LONP1: variants seen among roughly 807,000 people sequenced by gnomAD.
LONP1 encodes lon peptidase 1, mitochondrial.
LONP1 carries 31 observed loss-of-function variants against 98.5 expected under a neutral mutation model. The observed-to-expected ratio is 0.31, with a 90% CI of 0.24 to 0.42. The LOEUF (loss-of-function observed/expected upper bound fraction) is 0.42. Among genes scored for constraint, LONP1 ranks in the 20% least tolerant of loss-of-function variants. The pLI is 1.00. For synonymous variants in LONP1, 781 were observed against 594.7 expected, an observed-to-expected ratio of 1.31 and a Z score of -4.56; for missense variants, 1,336 against 1,350.6, an observed-to-expected ratio of 0.99 and a Z score of 0.17.
At chr19:5,709,400 C>G (rs527752659) in intron 4 of LONP1, among the ~76,000 whole-genome samples, 1 of 151,856 alleles carries the variant, frequency 6.6e-6, no homozygotes, top group Non-Finnish European at 1.5e-5. Context: ...ACTAAGGAGG[C>G]CGAGGCAGGA....
At chr19:5,713,493 A>T (rs1487584784) in intron 2 of LONP1, among the ~76,000 whole-genome samples, 1 of 152,132 alleles carries the variant, frequency 6.6e-6, no homozygotes, top group Non-Finnish European at 1.5e-5. Context: ...AGCCACAAAG[A>T]CATGGTCCAG....
intron 4 of LONP1, among the ~76,000 whole-genome samples, chr19:5,710,268 T>C (rs1028598721): frequency 6.6e-6 from 1 of 151,946 alleles, no homozygotes; most frequent in South Asian, 2.1e-4. Context: ...TTTGTATTTT[T>C]AGTAGACACG....
intron 6 of LONP1, 83 bp downstream of exon 6, chr19:5,707,614 C>CT: frequency 6.7e-7 from 1 of 1,498,940 alleles, no homozygotes. Context: ...TGAGGAGGAA[C>CT]GGGGGCAGCC....
At chr19:5,696,878 T>C (rs1453038339) in intron 10 of LONP1, 121 bp from the exon 11 acceptor site, 11 of 657,532 alleles carry the variant, frequency 1.7e-5, no homozygotes, top group African/African-American at 1.3e-4. Flanking sequence ...GTGGCCATGA[T>C]GTGGGAGGCG....
chr19:5,720,378 C>A, upstream of LONP1: 1 of 614,850 alleles, frequency 1.6e-6, no homozygotes, highest in Non-Finnish European at 2.7e-6. Flanking sequence ...GAGCAGGCGC[C>A]AGCGCCCGTA....
At chr19:5,696,405 C>T (rs189647005) in intron 11 of LONP1, 34 bp from the exon 12 acceptor site, 58 of 1,605,750 alleles carry the variant, frequency 3.6e-5, no homozygotes, top group Admixed American at 1.5e-4. Context: ...TGCCCCTCGC[C>T]GTGCCCCTGG....
At position 5,696,681 on chromosome 19, in the gene LONP1, G is replaced by C. The variant is rs1568313376; in HGVS notation, c.1762C>G (p.Leu588Val). 1 of 1,612,950 alleles carries C rather than the reference G, an allele frequency of 6.2e-7. No individual in the cohort carries two copies. Among genetic ancestry groups the C allele is most frequent in the African/African-American group, 1.3e-5 (1 of 75,038 alleles). The change falls in exon 11 of 18, where the codon CTC becomes GTC. Residue 588 changes from leucine (L) to valine (V), a missense_variant. Coordinates refer to ENST00000360614, the MANE Select transcript of LONP1 (RefSeq NM_004793.4). ...CTCTCCGCACGCACCTCGTCGATGA[G>C]GATCAGGGGGTTCTCCGTCTTGGTC... The part of the protein sequence containing the change: ...KKTKTENPLI[L>V]IDEVDKIGRG...
Position 5,692,132 on chromosome 19 carries a change from A to G in LONP1, c.2780T>C (p.Ile927Thr), listed in dbSNP as rs1248625758. 8 of 1,614,058 alleles carry G rather than the reference A, an allele frequency of 5.0e-6. No homozygotes were observed. In the Admixed American group the frequency reaches 1.3e-4, roughly 27 times the overall value. Residue 927 changes from isoleucine (I) to threonine (T), a missense_variant, in exon 18 of 18, where the codon ATC (isoleucine) becomes ACC (threonine). This residue lies in a region of LONP1 where 555 missense variants were observed against 542.6 expected (regional missense o/e 1.02). Coordinates refer to ENST00000360614, the MANE Select transcript of LONP1 (RefSeq NM_004793.4). ...GAAGTGCACCTCCAGGCCCTCGGTGATGAAGGCTGCCAGGTCGTAGAAGTC... is the reference window on the plus strand; with the variant it reads ...GAAGTGCACCTCCAGGCCCTCGGTGGTGAAGGCTGCCAGGTCGTAGAAGTC... ...KKDFYDLAAF[I>T]TEGLEVHFVE... is the part of the protein sequence containing the mutation.
At chr19:5,698,124 CCTCCTCCAG>C (rs879763139) in intron 10 of LONP1, among the ~76,000 whole-genome samples, 10 of 151,552 alleles carry the variant, frequency 6.6e-5, no homozygotes, top group Non-Finnish European at 1.2e-4. Context: ...ACTGGCCCCA[CCTCCTCCAG>C]CTCCTCCCAA....
chr19:5,694,036 C>T (rs1007044464), intron 15 of LONP1, among the ~76,000 whole-genome samples: 1 of 152,210 alleles, frequency 6.6e-6, no homozygotes, highest in Non-Finnish European at 1.5e-5. Flanking sequence ...GCTGCCGCTG[C>T]CCTGCAGACA....
At chr19:5,693,118 C>T (rs1335924898) in intron 17 of LONP1, among the ~76,000 whole-genome samples, 180 bp downstream of exon 17, 1 of 152,200 alleles carries the variant, frequency 6.6e-6, no homozygotes, top group Non-Finnish European at 1.5e-5. Flanking sequence ...ACAAGACTTG[C>T]TGTGGAGAAG....
At chr19:5,713,366 G>T in intron 2 of LONP1, 113 bp from the exon 3 acceptor site, 2 of 1,367,222 alleles carry the variant, frequency 1.5e-6, no homozygotes, top group South Asian at 2.4e-5. Context: ...AAATGCTACT[G>T]AAAACCAAGA....
intron 8 of LONP1, among the ~76,000 whole-genome samples, chr19:5,704,964 C>T (rs957697335): frequency 6.6e-6 from 1 of 151,970 alleles, no homozygotes; most frequent in Non-Finnish European, 1.5e-5. Context: ...AGTTTGAGAC[C>T]AACCTGGCCA....
intron 8 of LONP1, among the ~76,000 whole-genome samples, chr19:5,705,473 A>G (rs2055129334): frequency 6.6e-6 from 1 of 151,794 alleles, no homozygotes; most frequent in Admixed American, 6.6e-5. Context: ...AAAAAAAAAA[A>G]AAAAGCAGCC....
At chr19:5,703,601 G>A (rs901856911) in intron 8 of LONP1, among the ~76,000 whole-genome samples, 1 of 151,762 alleles carries the variant, frequency 6.6e-6, no homozygotes, top group African/African-American at 2.4e-5. Context: ...AGCAGACACC[G>A]TCAGGGCGCA....
At position 5,699,105 on chromosome 19, in the gene LONP1, A is replaced by G; in HGVS notation, c.1607T>C (p.Ile536Thr). 2 of 1,603,320 alleles carry G rather than the reference A, an allele frequency of 1.2e-6. No individual in the cohort carries two copies. The highest frequency in any genetic ancestry group is 1.7e-6 in the Non-Finnish European group (2 of 1,173,484). ...GVGKTSIARS[I>T]ARALNREYFR... ...GTACTCTCGGTTCAGGGCGCGGGCG[A>G]TGGAGCGAGCAATGCTGGTCTTACC... The change falls in exon 10 of 18, where the codon ATC (isoleucine) becomes ACC (threonine). Residue 536 changes from isoleucine (I) to threonine (T), a missense_variant. By Grantham distance (89) the Ile-to-Thr change is moderately conservative. Transcript: ENST00000360614.
At chr19:5,692,840 G>A (rs2054853426) in intron 17 of LONP1, among the ~76,000 whole-genome samples, 1 of 152,146 alleles carries the variant, frequency 6.6e-6, no homozygotes, top group Admixed American at 6.5e-5. Flanking sequence ...GACTGCACCA[G>A]GCTTCCTAGA....
At chr19:5,698,990 G>C in intron 10 of LONP1, 37 bp downstream of exon 10, 2 of 1,570,926 alleles carry the variant, frequency 1.3e-6, no homozygotes, top group East Asian at 2.3e-5. Context: ...GCACAGCTGA[G>C]GGGAGTGCGT....
rs2054885403 is a variant in LONP1 at position 5,694,368 on chromosome 19, C to A, written c.2320+19G>T. On this transcript the variant is annotated intron_variant, in intron 15 of 17. Coordinates refer to ENST00000360614, the MANE Select transcript of LONP1 (RefSeq NM_004793.4). ...GAAATGGGAATGGCTTTGGGGTCTT[C>A]TCCCGCCACCACGCTCACCCATTGC... 6.2e-7 allele frequency: 1 copy of A among 1,609,786 alleles called. No individual in the cohort carries two copies. Among genetic ancestry groups the A allele is most frequent in the Non-Finnish European group, 8.5e-7 (1 of 1,177,094 alleles).
Sources: gnomAD v4.1 joint callset for allele counts (sites outside exome capture counted in the v4.1 genomes callset) on GRCh38, gnomAD v4.1.1 for gene constraint, gnomAD v4.1.1 regional missense constraint, MANE v1.5 for transcripts, NCBI Gene and HGNC (gene_info 2026-07-23, HGNC 2026-07-21) for gene names.